The following CNTNAP5 variants were observed in gnomAD, a reference collection of about 807,000 sequenced individuals.
The protein encoded by CNTNAP5 is contactin associated protein family member 5.
Under a neutral mutation model 150.2 loss-of-function variants are expected in CNTNAP5, and 72 were observed. The observed-to-expected ratio is 0.48, with a 90% CI of 0.40 to 0.58. CNTNAP5 has a LOEUF of 0.58. Ranked by LOEUF, CNTNAP5 falls within the 20% of genes least tolerant of loss-of-function variation. The pLI, the probability that CNTNAP5 is intolerant of heterozygous loss-of-function variation, is 0.00. For synonymous variants in CNTNAP5, 672 were observed against 619.8 expected (o/e 1.08, Z -1.25); for missense variants, 1,636 against 1,626.2 (o/e 1.01, Z -0.10).
intron 14 of CNTNAP5, among the ~76,000 whole-genome samples, chr2:124,755,734 C>A: frequency 6.6e-6 from 1 of 152,132 alleles, no homozygotes; most frequent in Non-Finnish European, 1.5e-5. Context: ...ATCTCCTTTG[C>A]ACATCTGTCT....
intron 1 of CNTNAP5, among the ~76,000 whole-genome samples, chr2:124,063,565 A>G (rs1335923607): frequency 2.0e-5 from 3 of 152,184 alleles, no homozygotes; most frequent in African/African-American, 7.2e-5. Flanking sequence ...CAATTATGGA[A>G]GTACTTAAAC....
chr2:124,809,380 GTATT>G (rs71387244), intron 19 of CNTNAP5, among the ~76,000 whole-genome samples: 15,789 of 144,820 alleles, frequency 0.11, 1,124 homozygotes, highest in African/African-American at 0.2. Context: ...CAATAATATG[GTATT>G]TATTTATTTA....
rs959571507 is a variant in CNTNAP5 at position 124,920,980 on chromosome 2, C to A, written c.*6692C>A. On this transcript the variant is annotated 3_prime_UTR_variant, in exon 24 of 24. Coordinates refer to ENST00000682447, the MANE Select transcript of CNTNAP5 (RefSeq NM_001367498.1). Reference sequence around the variant, plus strand: ...TTTTTGTGGAAATGCTGGAGTCTACCTTTTCCTTTTTATCTTCTGATTTTT... The same window carrying A: ...TTTTTGTGGAAATGCTGGAGTCTACATTTTCCTTTTTATCTTCTGATTTTT... Among the ~76,000 whole-genome samples, 1 of 151,998 alleles carries A rather than the reference C, an allele frequency of 6.6e-6. No homozygotes were observed. Among genetic ancestry groups the A allele is most frequent in the African/African-American group, 2.4e-5 (1 of 41,418 alleles).
chr2:124,653,646 G>A (rs1470907468), intron 13 of CNTNAP5, among the ~76,000 whole-genome samples: 1 of 148,236 alleles, frequency 6.7e-6, no homozygotes, highest in African/African-American at 2.6e-5. Context: ...AAGGAATTGT[G>A]ATGTAGAAAA....
At chr2:124,905,884 G>A (rs1678525859) in intron 22 of CNTNAP5, among the ~76,000 whole-genome samples, 1 of 152,074 alleles carries the variant, frequency 6.6e-6, no homozygotes, top group Non-Finnish European at 1.5e-5. Context: ...CCTAATACTT[G>A]GCCTTGAGTG....
intron 1 of CNTNAP5, among the ~76,000 whole-genome samples, chr2:124,076,026 C>T (rs1682428598): frequency 6.6e-6 from 1 of 152,080 alleles, no homozygotes; most frequent in African/African-American, 2.4e-5. Context: ...TGAGTTTGCC[C>T]ATGATATGGA....
chr2:124,201,531 G>A (rs1685726174), intron 1 of CNTNAP5, among the ~76,000 whole-genome samples: 1 of 152,136 alleles, frequency 6.6e-6, no homozygotes, highest in Non-Finnish European at 1.5e-5. Context: ...AGTATTCAAG[G>A]GTATACATCT....
At chr2:124,329,643 A>G (rs1169663894) in intron 3 of CNTNAP5, among the ~76,000 whole-genome samples, 1 of 152,156 alleles carries the variant, frequency 6.6e-6, no homozygotes, top group Non-Finnish European at 1.5e-5. Flanking sequence ...AAAAAAACAT[A>G]TATTTTAGTA....
intron 13 of CNTNAP5, among the ~76,000 whole-genome samples, chr2:124,696,810 G>A (rs561912980): frequency 1.3e-5 from 2 of 151,978 alleles, no homozygotes; most frequent in African/African-American, 2.4e-5. Context: ...ACACACATAC[G>A]TATCCATAAG....
intron 3 of CNTNAP5, among the ~76,000 whole-genome samples, chr2:124,362,265 G>A (rs530520084): frequency 1.8e-4 from 28 of 152,298 alleles, no homozygotes; most frequent in East Asian, 7.8e-4. Flanking sequence ...GAAATCACCC[G>A]TCTTCTGCGT....
chr2:124,680,034 C>A (rs983330971), intron 13 of CNTNAP5, among the ~76,000 whole-genome samples: 2 of 151,790 alleles, frequency 1.3e-5, no homozygotes, highest in African/African-American at 4.8e-5. Flanking sequence ...ACCCTGTTTT[C>A]CACCTTTGTT....
At chr2:124,611,113 G>T (rs547225956) in intron 12 of CNTNAP5, among the ~76,000 whole-genome samples, 2 of 152,144 alleles carry the variant, frequency 1.3e-5, no homozygotes, top group Non-Finnish European at 2.9e-5. Context: ...GCCTCTTTAG[G>T]CTCATTGAGC....
At chr2:124,424,443 G>A (rs1692192893) in intron 4 of CNTNAP5, among the ~76,000 whole-genome samples, 1 of 152,110 alleles carries the variant, frequency 6.6e-6, no homozygotes, top group South Asian at 2.1e-4. Context: ...GTAAATCATA[G>A]CATTTTTAAG....
At chr2:124,510,245 C>G (rs10207364) in intron 8 of CNTNAP5, among the ~76,000 whole-genome samples, 1 of 69,198 alleles carries the variant, frequency 1.4e-5, no homozygotes, top group African/African-American at 5.4e-5. Flanking sequence ...ATCTATATAT[C>G]TATATCTATA....
intron 13 of CNTNAP5, among the ~76,000 whole-genome samples, chr2:124,744,886 A>C (rs189451693): frequency 2.6e-5 from 4 of 152,224 alleles, no homozygotes; most frequent in Non-Finnish European, 4.4e-5. Flanking sequence ...AAGATGGGAC[A>C]TCTAAAGGGA....
At chr2:124,368,707 G>A (rs969345172) in intron 3 of CNTNAP5, among the ~76,000 whole-genome samples, 3 of 152,162 alleles carry the variant, frequency 2.0e-5, no homozygotes, top group Admixed American at 1.3e-4. Flanking sequence ...AAACAGATCT[G>A]AACTGGTGAA....
Position 124,221,807 on chromosome 2 carries a change from T to A in CNTNAP5, c.185T>A (p.Val62Asp). 1.3e-6 allele frequency: 2 copies of A among 1,597,082 alleles called. No individual in the cohort carries two copies. Among genetic ancestry groups the A allele is most frequent in the East Asian group, 4.5e-5 (2 of 44,532 alleles). The change falls in exon 2 of 24, where the codon GTT becomes GAT. Residue 62 changes from valine to aspartate, a missense_variant and splice_region_variant. Coordinates refer to ENST00000682447, the MANE Select transcript of CNTNAP5 (RefSeq NM_001367498.1). Reference sequence around the variant, plus strand: ...AGCCCAGCTCAACTCAACTGGAGAGTTGGTAAGTAGGCTGACTGAAATCCT... The same window carrying A: ...AGCCCAGCTCAACTCAACTGGAGAGATGGTAAGTAGGCTGACTGAAATCCT... ...THSPAQLNWR[V>D]GTGGWSPADS... is the part of the protein sequence containing the mutation.
intron 13 of CNTNAP5, among the ~76,000 whole-genome samples, chr2:124,676,766 A>G (rs186677825): frequency 6.6e-6 from 1 of 152,336 alleles, no homozygotes; most frequent in East Asian, 1.9e-4. Flanking sequence ...AAGCACCATA[A>G]TAAGCCTTGC....
intron 5 of CNTNAP5, among the ~76,000 whole-genome samples, chr2:124,439,344 AGTCTCT>A (rs1692618172): frequency 6.6e-6 from 1 of 152,216 alleles, no homozygotes; most frequent in Non-Finnish European, 1.5e-5. Flanking sequence ...TGGATTTATC[AGTCTCT>A]ATTTTCAAGA....
Sources: gnomAD v4.1 joint callset for allele counts (sites outside exome capture counted in the v4.1 genomes callset) on GRCh38, gnomAD v4.1.1 for gene constraint, MANE v1.5 for transcripts, NCBI Gene and HGNC (gene_info 2026-07-23, HGNC 2026-07-21) for gene names.